ST8SIA2: variants seen among roughly 807,000 people sequenced by gnomAD.
The protein encoded by ST8SIA2 is ST8 alpha-N-acetyl-neuraminide alpha-2,8-sialyltransferase 2.
Under a neutral mutation model 37.6 loss-of-function variants are expected in ST8SIA2, and 22 were observed. That is an observed-to-expected ratio of 0.58 (90% confidence interval 0.42 to 0.83). The LOEUF (loss-of-function observed/expected upper bound fraction) is 0.83. Among genes scored for constraint, ST8SIA2 ranks in the 40% least tolerant of loss-of-function variants. ST8SIA2 has a pLI of 0.00. For synonymous variants in ST8SIA2, 205 were observed against 201.2 expected, an observed-to-expected ratio of 1.02 and a Z score of -0.16; for missense variants, 382 against 484.7, an observed-to-expected ratio of 0.79 and a Z score of 1.99.
At chr15:92,422,408 G>C (rs2049641964) in intron 1 of ST8SIA2, 1 of 152,208 alleles carries the variant, frequency 6.6e-6, no homozygotes, top group African/African-American at 2.4e-5. Context: ...GAAGCTCTCT[G>C]CTAGTGCAGG....
At chr15:92,441,613 ACACACACG>A (rs1232430422) in intron 4 of ST8SIA2, among the ~76,000 whole-genome samples, 268 of 136,650 alleles carry the variant, frequency 2.0e-3, no homozygotes, top group African/African-American at 6.9e-3. Flanking sequence ...ACACACACAC[ACACACACG>A]CACTTCTTCC....
intron 1 of ST8SIA2, among the ~76,000 whole-genome samples, chr15:92,424,896 T>C (rs2049664453): frequency 6.6e-6 from 1 of 152,198 alleles, no homozygotes; most frequent in Admixed American, 6.5e-5. Context: ...CATTCTAAAA[T>C]GTAGACCTTT....
chr15:92,450,495 A>G (rs1057474009), intron 5 of ST8SIA2, among the ~76,000 whole-genome samples: 2 of 152,216 alleles, frequency 1.3e-5, no homozygotes, highest in South Asian at 2.1e-4. Flanking sequence ...GCCAGGAATC[A>G]TAGCGGCTTC....
chr15:92,426,106 C>T (rs1481930584), intron 1 of ST8SIA2, among the ~76,000 whole-genome samples: 2 of 152,130 alleles, frequency 1.3e-5, no homozygotes, highest in African/African-American at 4.8e-5. Context: ...AGGCCTTGGT[C>T]TCTTTGACTG....
At chr15:92,445,441 C>T (rs900771596) in intron 5 of ST8SIA2, among the ~76,000 whole-genome samples, 3 of 152,138 alleles carry the variant, frequency 2.0e-5, no homozygotes, top group African/African-American at 2.4e-5. Context: ...AGTAAAATTG[C>T]GGTAGAAACA....
chr15:92,394,882 A>C (rs1596224866), intron 1 of ST8SIA2, among the ~76,000 whole-genome samples: 1 of 152,092 alleles, frequency 6.6e-6, no homozygotes, highest in African/African-American at 2.4e-5. Context: ...ACATTTCGGG[A>C]AAGTCTGTAC....
intron 5 of ST8SIA2, among the ~76,000 whole-genome samples, chr15:92,451,949 TG>T (rs1279816646): frequency 6.6e-6 from 1 of 152,182 alleles, no homozygotes; most frequent in African/African-American, 2.4e-5. Flanking sequence ...AAGGCCAGGA[TG>T]GGTTTGAGTT....
intron 3 of ST8SIA2, among the ~76,000 whole-genome samples, chr15:92,437,671 A>G (rs1294524699): frequency 6.6e-6 from 1 of 152,078 alleles, no homozygotes; most frequent in Non-Finnish European, 1.5e-5. Flanking sequence ...GAAAGTGTCC[A>G]TACACGTCAC....
Position 92,438,606 on chromosome 15 carries a change from A to G in ST8SIA2, c.544A>G (p.Ile182Val), listed in dbSNP as rs1240524434. The change falls in exon 4 of 6, where the codon ATC (isoleucine) becomes GTC (valine). Residue 182 changes from isoleucine (I) to valine (V), a missense_variant. By Grantham distance (29) the Ile-to-Val change is conservative. Coordinates refer to ENST00000268164, the MANE Select transcript of ST8SIA2 (RefSeq NM_006011.4). ...GQEIDAHSFV[I>V]RCNLAPVQEY... ...GGAGATTGACGCCCACAGCTTCGTC[A>G]TCAGGTAACATGCCCCAGCAGGCAC... The G allele has an allele frequency of 1.2e-6, 2 of 1,605,580 alleles. No individual in the cohort carries two copies. Among genetic ancestry groups the G allele is most frequent in the South Asian group, 2.2e-5 (2 of 90,030 alleles).
At chr15:92,459,658 G>A (rs1221433868) in intron 5 of ST8SIA2, among the ~76,000 whole-genome samples, 5 of 152,122 alleles carry the variant, frequency 3.3e-5, no homozygotes, top group African/African-American at 1.2e-4. Flanking sequence ...GGAGGGCAAT[G>A]GCGCAGTCTT....
chr15:92,422,372 G>C (rs1210834328), intron 1 of ST8SIA2: 1 of 152,184 alleles, frequency 6.6e-6, no homozygotes, highest in African/African-American at 2.4e-5. Context: ...AGATGCCTTG[G>C]ACCAGGATGA....
At chr15:92,454,895 C>A (rs768690306) in intron 5 of ST8SIA2, among the ~76,000 whole-genome samples, 1 of 152,016 alleles carries the variant, frequency 6.6e-6, no homozygotes, top group African/African-American at 2.4e-5. Context: ...AAGGAGGCTG[C>A]GACCCACAGA....
chr15:92,439,643 C>T (rs1384214156), intron 4 of ST8SIA2, among the ~76,000 whole-genome samples: 1 of 152,204 alleles, frequency 6.6e-6, no homozygotes, highest in African/African-American at 2.4e-5. Flanking sequence ...CGTGTCTTTA[C>T]TCTTGCATCC....
Position 92,438,449 on chromosome 15 carries a change from A to G in ST8SIA2, c.387A>G (p.Arg129=), listed in dbSNP as rs772650065. Residue 129 remains arginine (R), a synonymous_variant, in exon 4 of 6, where the codon CGA becomes CGG. Coordinates refer to ENST00000268164, the MANE Select transcript of ST8SIA2 (RefSeq NM_006011.4). ...PGDIIHYIFD[R]DSTMNVSQNL... ...ATATTATTCATTACATCTTCGATCG[A>G]GACAGCACCATGAATGTGTCCCAGA... 3 of 1,614,228 alleles carry G rather than the reference A, an allele frequency of 1.9e-6. No homozygotes were observed. Among genetic ancestry groups the G allele is most frequent in the Non-Finnish European group, 2.5e-6 (3 of 1,180,042 alleles).
rs139134600 is a variant in ST8SIA2, at chr15:92,408,152, C to A, written c.98+13990C>A. On this transcript the variant is annotated intron_variant, in intron 1 of 5. Transcript: ENST00000268164. ...ACGGCCCAGCACACAACAAAAGAAT[C>A]CTTGAATAAAACAACCTTATGAATG... Among the ~76,000 whole-genome samples, 1,044 of 152,228 alleles carry A rather than the reference C, an allele frequency of 6.9e-3. 8 individuals carry two copies. Among genetic ancestry groups the A allele is most frequent in the Admixed American group, 0.015 (233 of 15,294 alleles).
intron 4 of ST8SIA2, among the ~76,000 whole-genome samples, 156 bp downstream of exon 4, chr15:92,438,766 C>T (rs1440722884): frequency 1.3e-5 from 2 of 152,208 alleles, no homozygotes; most frequent in African/African-American, 2.4e-5. Context: ...ACTTGGGGAG[C>T]TTCGCCTCCA....
intron 5 of ST8SIA2, among the ~76,000 whole-genome samples, chr15:92,459,630 G>C (rs2049943775): frequency 6.6e-6 from 1 of 152,038 alleles, no homozygotes; most frequent in Admixed American, 6.5e-5. Flanking sequence ...ATGGAGTCTC[G>C]CTCTTGTCAC....
chr15:92,406,103 G>A (rs770014048), intron 1 of ST8SIA2, among the ~76,000 whole-genome samples: 3 of 152,244 alleles, frequency 2.0e-5, no homozygotes, highest in Non-Finnish European at 4.4e-5. Flanking sequence ...GAGCTGGGAA[G>A]AGGTAGGGCA....
intron 2 of ST8SIA2, among the ~76,000 whole-genome samples, chr15:92,433,469 C>T (rs1428083146): frequency 2.0e-5 from 3 of 152,178 alleles, no homozygotes; most frequent in Non-Finnish European, 2.9e-5. Flanking sequence ...GAATTCAAGC[C>T]AGTCCTATAA....
Sources: gnomAD v4.1 joint callset for allele counts (sites outside exome capture counted in the v4.1 genomes callset) on GRCh38, gnomAD v4.1.1 for gene constraint, MANE v1.5 for transcripts, NCBI Gene and HGNC (gene_info 2026-07-23, HGNC 2026-07-21) for gene names.